Variants in RSU1 observed in about 807,000 individuals in gnomAD.
The protein encoded by RSU1 is Ras suppressor protein 1.
In RSU1, 26 loss-of-function variants were observed where a neutral mutation model predicts 31.1. That is an observed-to-expected ratio of 0.84 (90% CI 0.61 to 1.16). RSU1 has a LOEUF of 1.16. Ranked by LOEUF, RSU1 falls within the 50% of genes most tolerant of loss-of-function variation. The pLI is 0.00. For synonymous variants in RSU1, 164 were observed against 136.3 expected, an observed-to-expected ratio of 1.20 and a Z score of -1.41; for missense variants, 320 against 339.1, an observed-to-expected ratio of 0.94 and a Z score of 0.44.
intron 8 of RSU1, among the ~76,000 whole-genome samples, chr10:16,643,832 T>TA (rs1382750620): frequency 2.6e-5 from 4 of 151,174 alleles, no homozygotes; most frequent in East Asian, 1.9e-4. Context: ...CAACTCCAAA[T>TA]AAAAAAAATA....
At chr10:16,806,069 A>C (rs1244405211) in intron 2 of RSU1, among the ~76,000 whole-genome samples, 2 of 152,228 alleles carry the variant, frequency 1.3e-5, no homozygotes, top group Non-Finnish European at 2.9e-5. Flanking sequence ...GTCATTATGC[A>C]CTTATCGATA....
chr10:16,762,583 A>G (rs1215228185), intron 4 of RSU1, among the ~76,000 whole-genome samples: 1 of 151,792 alleles, frequency 6.6e-6, no homozygotes, highest in Admixed American at 6.6e-5. Flanking sequence ...TCCCTCAGAC[A>G]TAAGAATAAA....
chr10:16,680,022 C>A (rs1835300629), intron 8 of RSU1, among the ~76,000 whole-genome samples: 1 of 151,938 alleles, frequency 6.6e-6, no homozygotes, highest in Non-Finnish European at 1.5e-5. Flanking sequence ...CCTGGGATTA[C>A]AGACGTGCAC....
chr10:16,777,374 C>A (rs78078012), intron 3 of RSU1, among the ~76,000 whole-genome samples: 1,531 of 152,034 alleles, frequency 0.01, 61 homozygotes, highest in East Asian at 0.072. Context: ...GAGAAAGTAG[C>A]CATAATAAAC....
At chr10:16,611,634 T>C (rs1372180964) in intron 8 of RSU1, among the ~76,000 whole-genome samples, 1 of 152,154 alleles carries the variant, frequency 6.6e-6, no homozygotes, top group East Asian at 1.9e-4. Flanking sequence ...CTAACTCCCA[T>C]GTACTGGGGG....
rs536131756 is a variant in RSU1 at position 16,592,061 on chromosome 10, T to C, written c.*1333A>G. On this transcript the variant is annotated 3_prime_UTR_variant, in exon 9 of 9. Transcript: ENST00000345264. The stretch of plus-strand genomic sequence containing the variant: ...AAGTAACTCAGAACTTGTTGTTTGA[T>C]TTTGATTTTTGACTTTTTTATATGC... 6.0e-5 allele frequency: 9 copies of C among 151,056 alleles called. No individual in the cohort carries two copies. In the East Asian group the frequency reaches 1.7e-3, roughly 29 times the overall value. The allele number at this position is 151,056 out of a possible 1,614,324, so 9.4% of individuals were successfully genotyped here.
At chr10:16,789,231 A>C (rs369302319) in intron 2 of RSU1, among the ~76,000 whole-genome samples, 44 of 152,312 alleles carry the variant, frequency 2.9e-4, no homozygotes, top group African/African-American at 9.1e-4. Context: ...TCTTTAATGG[A>C]GAAGAGAAAT....
chr10:16,707,962 T>G (rs1835939661), intron 7 of RSU1, among the ~76,000 whole-genome samples: 1 of 152,200 alleles, frequency 6.6e-6, no homozygotes, highest in Non-Finnish European at 1.5e-5. Flanking sequence ...CACCATTTAC[T>G]AAAGAGATTT....
chr10:16,785,111 T>G (rs947549130), intron 2 of RSU1, among the ~76,000 whole-genome samples: 1 of 152,070 alleles, frequency 6.6e-6, no homozygotes, highest in Non-Finnish European at 1.5e-5. Flanking sequence ...TTTGAGTCAG[T>G]GGGCTGGGAA....
At chr10:16,728,291 A>G (rs1484101804) in intron 7 of RSU1, among the ~76,000 whole-genome samples, 1 of 152,250 alleles carries the variant, frequency 6.6e-6, no homozygotes, top group Admixed American at 6.5e-5. Context: ...GTCAAAAGCT[A>G]TTAATCATAA....
At chr10:16,791,608 A>T (rs547723582) in intron 2 of RSU1, among the ~76,000 whole-genome samples, 5 of 151,230 alleles carry the variant, frequency 3.3e-5, no homozygotes, top group African/African-American at 7.3e-5. Context: ...AGCCTGGGCG[A>T]CAGAGCGAGA....
intron 5 of RSU1, among the ~76,000 whole-genome samples, chr10:16,753,240 C>A (rs554804847): frequency 6.6e-6 from 1 of 152,280 alleles, no homozygotes; most frequent in Non-Finnish European, 1.5e-5. Context: ...CAACTGTGGG[C>A]GCCAGCATTT....
chr10:16,696,818 T>C (rs1373107127), intron 7 of RSU1, among the ~76,000 whole-genome samples: 5 of 150,106 alleles, frequency 3.3e-5, no homozygotes, highest in Non-Finnish European at 7.4e-5. Context: ...TTTCATCTTG[T>C]TGGCAAGGGG....
At chr10:16,814,116 T>G (rs1285899987) in intron 2 of RSU1, among the ~76,000 whole-genome samples, 2 of 152,192 alleles carry the variant, frequency 1.3e-5, no homozygotes, top group African/African-American at 4.8e-5. Flanking sequence ...TATATAAAAC[T>G]TCCTGGTTAC....
intron 3 of RSU1, among the ~76,000 whole-genome samples, chr10:16,769,351 A>AAG (rs1443989593): frequency 1.3e-5 from 2 of 152,244 alleles, no homozygotes; most frequent in African/African-American, 2.4e-5. Context: ...GATTAATCAA[A>AAG]ATTAAATAAA....
chr10:16,691,997 A>G (rs1316162490), intron 8 of RSU1, among the ~76,000 whole-genome samples: 1 of 151,988 alleles, frequency 6.6e-6, no homozygotes, highest in Non-Finnish European at 1.5e-5. Context: ...CCTCATGGTG[A>G]ATCACCCCAC....
intron 8 of RSU1, among the ~76,000 whole-genome samples, chr10:16,655,408 GCACTTGATCAAAT>G (rs1834760527): frequency 6.6e-6 from 1 of 152,214 alleles, no homozygotes; most frequent in Non-Finnish European, 1.5e-5. Flanking sequence ...TGAGGGCAAA[GCACTTGATCAAAT>G]CCTCAGTTTG....
At chr10:16,727,116 G>T in intron 7 of RSU1, 1 of 456,618 alleles carries the variant, frequency 2.2e-6, no homozygotes, top group Middle Eastern at 3.3e-4. Context: ...TTTTTGCCAA[G>T]ATGCCTACCA....
intron 8 of RSU1, among the ~76,000 whole-genome samples, chr10:16,690,672 T>C (rs1835530679): frequency 6.6e-6 from 1 of 152,166 alleles, no homozygotes; most frequent in African/African-American, 2.4e-5. Flanking sequence ...TCATCCATCC[T>C]CTCTGCCCTA....
Sources: allele counts gnomAD v4.1 joint callset (sites outside exome capture counted in the v4.1 genomes callset), GRCh38; gene constraint gnomAD v4.1.1; transcripts MANE v1.5; gene names NCBI Gene and HGNC (gene_info 2026-07-23, HGNC 2026-07-21).